Variants in ZBTB20 observed in about 807,000 individuals in gnomAD.
ZBTB20 encodes zinc finger and BTB domain containing 20.
ZBTB20 carries 9 observed loss-of-function variants against 56.9 expected under a neutral mutation model. That is an observed-to-expected ratio of 0.16 (90% CI 0.10 to 0.28). The LOEUF (loss-of-function observed/expected upper bound fraction) is 0.28, where lower values mean the gene tolerates loss of function less well. Among genes scored for constraint, ZBTB20 ranks in the 10% least tolerant of loss-of-function variants. ZBTB20 has a pLI of 1.00. For missense variants in ZBTB20, 655 were observed against 1,003.0 expected, an observed-to-expected ratio of 0.65 and a Z score of 4.69; for synonymous variants, 417 against 420.7, an observed-to-expected ratio of 0.99 and a Z score of 0.11.
intron 7 of ZBTB20, among the ~76,000 whole-genome samples, chr3:114,449,702 AG>A (rs2091482622): frequency 6.7e-6 from 1 of 149,760 alleles, no homozygotes; most frequent in African/African-American, 2.4e-5. Context: ...AAAAAAAAAA[AG>A]GTTGCACAAA....
At chr3:114,413,375 T>G (rs1446363073) in intron 7 of ZBTB20, among the ~76,000 whole-genome samples, 1 of 152,138 alleles carries the variant, frequency 6.6e-6, no homozygotes, top group Non-Finnish European at 1.5e-5. Flanking sequence ...ACTTATAAAA[T>G]TCATTAAAGG....
intron 6 of ZBTB20, among the ~76,000 whole-genome samples, chr3:114,651,550 TAAAAAAAAAA>T (rs57059379): frequency 1.1e-5 from 1 of 91,416 alleles, no homozygotes; most frequent in Non-Finnish European, 2.6e-5. Flanking sequence ...GGTTGGATAG[TAAAAAAAAAA>T]AAAAAAAAAA....
intron 6 of ZBTB20, among the ~76,000 whole-genome samples, chr3:114,669,100 T>A (rs2108148039): frequency 6.6e-6 from 1 of 152,222 alleles, no homozygotes; most frequent in East Asian, 1.9e-4. Context: ...AGGGGAGAAC[T>A]GGCAACATCT....
chr3:114,514,652 T>C (rs1258436826), intron 6 of ZBTB20, among the ~76,000 whole-genome samples: 1 of 152,084 alleles, frequency 6.6e-6, no homozygotes, highest in African/African-American at 2.4e-5. Flanking sequence ...GGTCACTGGG[T>C]TGGGGAGGGT....
chr3:114,987,261 G>A (rs1027561162), intron 2 of ZBTB20, among the ~76,000 whole-genome samples: 3 of 151,984 alleles, frequency 2.0e-5, no homozygotes, highest in Non-Finnish European at 2.9e-5. Context: ...TTTAAATAAC[G>A]GGAACTTTTA....
intron 2 of ZBTB20, among the ~76,000 whole-genome samples, chr3:115,008,537 T>C (rs775087337): frequency 1.4e-4 from 22 of 151,964 alleles, no homozygotes; most frequent in Non-Finnish European, 2.1e-4. Context: ...GTTTGAGAGA[T>C]AGAAGGATCA....
chr3:114,519,983 A>G (rs575195664), intron 6 of ZBTB20: 3 of 152,202 alleles, frequency 2.0e-5, no homozygotes, highest in Admixed American at 1.3e-4. Flanking sequence ...CAAAAGGGAA[A>G]TGGCAAGAAA....
chr3:114,679,857 T>C (rs918299648), intron 6 of ZBTB20, among the ~76,000 whole-genome samples: 2 of 152,230 alleles, frequency 1.3e-5, no homozygotes, highest in African/African-American at 4.8e-5. Flanking sequence ...TGCAGCACTA[T>C]TCACAATGTC....
At chr3:114,453,259 T>C (rs1171144905) in intron 7 of ZBTB20, among the ~76,000 whole-genome samples, 3 of 152,174 alleles carry the variant, frequency 2.0e-5, no homozygotes, top group Non-Finnish European at 2.9e-5. Flanking sequence ...ATCTAGACTA[T>C]ATTTTGCATG....
intron 5 of ZBTB20, among the ~76,000 whole-genome samples, chr3:114,726,291 A>C (rs1395754150): frequency 6.6e-6 from 1 of 152,218 alleles, no homozygotes; most frequent in Non-Finnish European, 1.5e-5. Context: ...GACTGTTAAA[A>C]AAAACAGTTT....
chr3:114,502,308 C>T (rs1037186605), intron 6 of ZBTB20, among the ~76,000 whole-genome samples: 1 of 152,142 alleles, frequency 6.6e-6, no homozygotes, highest in East Asian at 1.9e-4. Flanking sequence ...AGAAAACCAG[C>T]AATTAAAGAC....
intron 6 of ZBTB20, among the ~76,000 whole-genome samples, chr3:114,686,327 C>A (rs145460316): frequency 1.7e-4 from 26 of 152,258 alleles, no homozygotes; most frequent in South Asian, 4.1e-4. Context: ...AGCAGTTATT[C>A]ACAGAATTTG....
At chr3:115,063,166 A>G (rs2082073903) in intron 2 of ZBTB20, among the ~76,000 whole-genome samples, 1 of 152,224 alleles carries the variant, frequency 6.6e-6, no homozygotes, top group South Asian at 2.1e-4. Flanking sequence ...CAGATAACAA[A>G]AATATATACA....
intron 2 of ZBTB20, among the ~76,000 whole-genome samples, chr3:115,009,199 A>G (rs2079597310): frequency 6.6e-6 from 1 of 151,612 alleles, no homozygotes; most frequent in South Asian, 2.1e-4. Flanking sequence ...GTTCTGTATT[A>G]TTTTTACAGT....
At chr3:114,915,675 G>GT (rs1320340826) in intron 3 of ZBTB20, among the ~76,000 whole-genome samples, 41 of 151,620 alleles carry the variant, frequency 2.7e-4, no homozygotes, top group Non-Finnish European at 1.8e-4. Flanking sequence ...TGCATTGTTG[G>GT]TTTTTTTATT....
intron 6 of ZBTB20, among the ~76,000 whole-genome samples, chr3:114,536,378 T>C (rs2947485): frequency 0.63 from 95,428 of 151,908 alleles, 30,298 homozygotes; most frequent in East Asian, 0.8. Flanking sequence ...TGAGTGAACT[T>C]CCATTCATAA....
intron 6 of ZBTB20, among the ~76,000 whole-genome samples, chr3:114,673,251 G>A (rs2061449752): frequency 6.6e-6 from 1 of 152,024 alleles, no homozygotes; most frequent in Non-Finnish European, 1.5e-5. Context: ...CAGGTTCACT[G>A]GGGGTTGGGG....
At chr3:114,612,626 C>A (rs185726352) in intron 6 of ZBTB20, among the ~76,000 whole-genome samples, 2 of 152,106 alleles carry the variant, frequency 1.3e-5, no homozygotes, top group Admixed American at 1.3e-4. Context: ...TAGCTCCTTT[C>A]TTTTTTACGT....
chr3:114,456,453 G>T (rs2092025859), intron 7 of ZBTB20, among the ~76,000 whole-genome samples: 1 of 152,038 alleles, frequency 6.6e-6, no homozygotes, highest in African/African-American at 2.4e-5. Context: ...AGAAGATGTG[G>T]TTTTTCTCAT....
Sources: gnomAD v4.1 joint callset for allele counts (sites outside exome capture counted in the v4.1 genomes callset) on GRCh38, gnomAD v4.1.1 for gene constraint, MANE v1.5 for transcripts, NCBI Gene and HGNC (gene_info 2026-07-23, HGNC 2026-07-21) for gene names.